Variants in KSR2 observed in about 807,000 individuals in gnomAD.
KSR2 encodes kinase suppressor of ras 2.
Under a neutral mutation model 107.8 loss-of-function variants are expected in KSR2, and 25 were observed. That is an observed-to-expected ratio of 0.23 (90% CI 0.17 to 0.32). The LOEUF (loss-of-function observed/expected upper bound fraction) is 0.32. KSR2 is among the 10% of genes least tolerant of loss of function. KSR2 has a pLI of 1.00. For missense variants in KSR2, 887 were observed against 1,268.9 expected (o/e 0.70, Z 4.57); for synonymous variants, 480 against 507.0 (o/e 0.95, Z 0.71).
chr12:117,673,363 A>C (rs1884992543), intron 4 of KSR2, among the ~76,000 whole-genome samples: 1 of 152,160 alleles, frequency 6.6e-6, no homozygotes, highest in Non-Finnish European at 1.5e-5. Context: ...AAAGAATTAA[A>C]GGATAAATGG....
chr12:117,486,224 C>T (rs1384107744), intron 14 of KSR2, among the ~76,000 whole-genome samples: 3 of 152,182 alleles, frequency 2.0e-5, no homozygotes, highest in Non-Finnish European at 4.4e-5. Context: ...AACCAGACGC[C>T]TGTCTAGATA....
chr12:117,654,640 G>A lies in KSR2; in HGVS notation c.1171+12834C>T, dbSNP rs548935822. On this transcript the variant is annotated intron_variant, in intron 5 of 19. Transcript: ENST00000339824. ...TATACTGATTTGTGGGCTGTAGCCA[G>A]TGGTTTGGCTGGATGGTCAGGGACT... Among the ~76,000 whole-genome samples, 63 of 152,362 alleles carry A rather than the reference G, an allele frequency of 4.1e-4. 1 individual carries two copies. The highest frequency in any genetic ancestry group is 1.5e-3 in the African/African-American group (62 of 41,590).
In KSR2 at chr12:117,860,336, T is replaced by C. The variant is rs752371610; in HGVS notation, c.276A>G (p.Leu92=). ...CATCGACGATTCGGAACCAGTGCCG[T>C]AGCTGGGGGAAGCCGTCCAGCTCCG... is the stretch of plus-strand genomic sequence containing the variant. ...RNAELDGFPQ[L]RHWFRIVDVR... Residue 92 remains leucine (L), a synonymous_variant, in exon 2 of 20, where the codon CTA becomes CTG. Coordinates refer to ENST00000339824, the MANE Select transcript of KSR2 (RefSeq NM_173598.6). 5 of 1,613,850 alleles carry C rather than the reference T, an allele frequency of 3.1e-6. No homozygotes were observed. In the South Asian group the frequency reaches 5.5e-5, roughly 18 times the overall value.
chr12:117,802,939 G>A lies in KSR2; in HGVS notation c.473-41415C>T, dbSNP rs1042379069. ...GATTTTTCAGGCAGGCTTCATTACTGTGCCTCGGTGCCATTTGACTGATAA... is the reference window on the plus strand; with the variant it reads ...GATTTTTCAGGCAGGCTTCATTACTATGCCTCGGTGCCATTTGACTGATAA... On this transcript the variant is annotated intron_variant, in intron 3 of 19. Transcript: ENST00000339824. Among the ~76,000 whole-genome samples, 4 of 152,214 alleles carry A rather than the reference G, an allele frequency of 2.6e-5. No individual in the cohort carries two copies. The East Asian group carries it at 5.8e-4, about 22-fold the overall frequency.
At chr12:117,938,738 A>T (rs1420714329) in intron 1 of KSR2, among the ~76,000 whole-genome samples, 1 of 152,112 alleles carries the variant, frequency 6.6e-6, no homozygotes, top group Non-Finnish European at 1.5e-5. Context: ...GCAACAGAGC[A>T]AAACTGTCTC....
At chr12:117,602,862 A>C (rs1229180521) in intron 5 of KSR2, among the ~76,000 whole-genome samples, 1 of 152,156 alleles carries the variant, frequency 6.6e-6, no homozygotes, top group Admixed American at 6.5e-5. Context: ...TGTTGCTAAA[A>C]CTATATAGAA....
intron 1 of KSR2, among the ~76,000 whole-genome samples, chr12:117,954,509 G>C (rs1363153684): frequency 6.6e-6 from 1 of 152,202 alleles, no homozygotes; most frequent in African/African-American, 2.4e-5. Flanking sequence ...TAGTGGGTGT[G>C]CCACTATGCT....
chr12:117,652,322 A>G (rs1883939146), intron 5 of KSR2, among the ~76,000 whole-genome samples: 1 of 152,190 alleles, frequency 6.6e-6, no homozygotes, highest in South Asian at 2.1e-4. Flanking sequence ...AATAAAAATA[A>G]TAATAATTTA....
chr12:117,549,304 G>A (rs1426029543), intron 9 of KSR2, among the ~76,000 whole-genome samples: 1 of 152,126 alleles, frequency 6.6e-6, no homozygotes, highest in Admixed American at 6.5e-5. Flanking sequence ...GAAAGCTGGA[G>A]GCCAATTATA....
In KSR2 at chr12:117,456,267, G is replaced by A. The variant is rs563153870; in HGVS notation, c.*10932C>T. The A allele has an allele frequency of 6.6e-6, 1 of 152,414 alleles. No individual in the cohort carries two copies. The highest frequency in any genetic ancestry group is 2.4e-5 in the African/African-American group (1 of 41,554). 9.4% of individuals were successfully genotyped at this position (152,414 alleles called of 1,614,324 possible). A position where few individuals can be genotyped will look rare whatever the true frequency, so the allele number is the denominator to read the frequency against. On this transcript the variant is annotated 3_prime_UTR_variant, in exon 20 of 20. Transcript: ENST00000339824. ...CTGTCCAGATAGCTTTGAAGGGGCA[G>A]GGTGTGCAGTGCTCCCTAGAAGGCT...
intron 1 of KSR2, among the ~76,000 whole-genome samples, chr12:117,953,723 A>G (rs940874568): frequency 2.6e-5 from 4 of 152,228 alleles, no homozygotes; most frequent in African/African-American, 4.8e-5. Flanking sequence ...AAAAACTTTT[A>G]GAAGTTGATA....
intron 3 of KSR2, among the ~76,000 whole-genome samples, chr12:117,821,394 G>C (rs1347500805): frequency 6.6e-6 from 1 of 151,956 alleles, no homozygotes; most frequent in Non-Finnish European, 1.5e-5. Flanking sequence ...CCTTTATGAT[G>C]ATCTACTTCC....
In KSR2 at chr12:117,892,482, G is replaced by T. The variant is rs945077122; in HGVS notation, c.181-32051C>A. 7.3e-5 allele frequency among the ~76,000 whole-genome samples: 11 copies of T among 151,016 alleles called. No homozygotes were observed. The East Asian group carries it at 2.2e-3, about 30-fold the overall frequency. On this transcript the variant is annotated intron_variant, in intron 1 of 19. Coordinates refer to ENST00000339824, the MANE Select transcript of KSR2 (RefSeq NM_173598.6). ...GCCTTTCAAGATTCCATCTTCACAGGCCAATTTCAGACTTTTCAAAGCATT... is the reference window on the plus strand; with the variant it reads ...GCCTTTCAAGATTCCATCTTCACAGTCCAATTTCAGACTTTTCAAAGCATT...
chr12:117,852,935 G>A (rs1390876525), intron 3 of KSR2, among the ~76,000 whole-genome samples: 1 of 152,132 alleles, frequency 6.6e-6, no homozygotes, highest in Non-Finnish European at 1.5e-5. Context: ...CCAAATAGCT[G>A]GGATTACAGG....
chr12:117,676,285 A>AG (rs977126134), intron 4 of KSR2, among the ~76,000 whole-genome samples: 18 of 152,208 alleles, frequency 1.2e-4, no homozygotes, highest in African/African-American at 4.1e-4. Flanking sequence ...GGCAAAAAAA[A>AG]GGGGCATGAT....
rs1156944073 is a variant in KSR2 at position 117,825,996 on chromosome 12, T to C, written c.472+29432A>G. 1.0e-4 allele frequency among the ~76,000 whole-genome samples: 15 copies of C among 144,338 alleles called. No individual in the cohort carries two copies. In the Admixed American group the frequency reaches 1.0e-3, roughly 10 times the overall value. The allele number at this position is 144,338 out of a possible 152,430, so 94.7% of individuals were successfully genotyped here. A position where few individuals can be genotyped will look rare whatever the true frequency, so the allele number is the denominator to read the frequency against. On this transcript the variant is annotated intron_variant, in intron 3 of 19. Coordinates refer to ENST00000339824, the MANE Select transcript of KSR2 (RefSeq NM_173598.6). Reference sequence around the variant, plus strand: ...GTAGGTGGGTGAACAGGTGGGTGGATGGGTGGGTGGATGGATGGATGCATG... The same window carrying C: ...GTAGGTGGGTGAACAGGTGGGTGGACGGGTGGGTGGATGGATGGATGCATG...
chr12:117,585,603 A>G (rs755037052), intron 5 of KSR2, among the ~76,000 whole-genome samples: 2 of 152,180 alleles, frequency 1.3e-5, no homozygotes, highest in African/African-American at 2.4e-5. Flanking sequence ...TAAACTTGCC[A>G]ATGCAAGCCT....
chr12:117,745,171 G>T (rs1439063640), intron 4 of KSR2, among the ~76,000 whole-genome samples: 1 of 149,348 alleles, frequency 6.7e-6, no homozygotes, highest in East Asian at 2.0e-4. Flanking sequence ...TGCTGCCACA[G>T]ACTTTGGGTA....
intron 5 of KSR2, among the ~76,000 whole-genome samples, chr12:117,608,739 T>G (rs573046752): frequency 6.6e-6 from 1 of 152,268 alleles, no homozygotes; most frequent in Non-Finnish European, 1.5e-5. Flanking sequence ...ATTTTTTCCT[T>G]TTTCCTTTTT....
Sources: allele counts gnomAD v4.1 joint callset (sites outside exome capture counted in the v4.1 genomes callset), GRCh38; gene constraint gnomAD v4.1.1; transcripts MANE v1.5; gene names NCBI Gene and HGNC (gene_info 2026-07-23, HGNC 2026-07-21).